PLCXD1: variants seen among roughly 807,000 people sequenced by gnomAD.
The protein encoded by PLCXD1 is phosphatidylinositol specific phospholipase C X domain containing 1, also known as PI-PLC X domain-containing protein 1.
A neutral mutation model predicts 37.8 loss-of-function variants in PLCXD1; 45 were observed. That is an observed-to-expected ratio of 1.19 (90% CI 0.94 to 1.53). The LOEUF (loss-of-function observed/expected upper bound fraction) is 1.53, where lower values mean the gene tolerates loss of function less well. Ranked by LOEUF, PLCXD1 falls within the 40% of genes most tolerant of loss-of-function variation. The pLI, the probability that PLCXD1 is intolerant of heterozygous loss-of-function variation, is 0.00. For missense variants in PLCXD1, 539 were observed against 454.7 expected (o/e 1.19, Z -1.69); for synonymous variants, 246 against 206.9 (o/e 1.19, Z -1.62).
chrX:296,304 T>C (rs957283048), intron 6 of PLCXD1, among the ~76,000 whole-genome samples: 16 of 152,150 alleles, frequency 1.1e-4, no homozygotes, highest in Admixed American at 2.6e-4. Context: ...GATGTGTTTT[T>C]ACTAGAGAAA....
At position 300,386 on chromosome X, in the gene PLCXD1, G is replaced by A. The variant is rs1449607054; in HGVS notation, c.*1051G>A. The A allele has an allele frequency of 6.6e-6, 1 of 151,754 alleles. No individual in the cohort carries two copies. Among genetic ancestry groups the A allele is most frequent in the Non-Finnish European group, 1.5e-5 (1 of 67,972 alleles). 9.4% of individuals were successfully genotyped at this position (151,754 alleles called of 1,614,324 possible). On this transcript the variant is annotated 3_prime_UTR_variant, in exon 7 of 7. Transcript: ENST00000381657. ...TAGATATATATGTGTGTGTATATAT[G>A]TGTGTTTATGTGTCTGTGTGTATAT... is the stretch of plus-strand genomic sequence containing the variant.
intron 3 of PLCXD1, among the ~76,000 whole-genome samples, chrX:290,430 A>C (rs1270780926): frequency 9.6e-5 from 1 of 10,400 alleles, no homozygotes; most frequent in Non-Finnish European, 2.3e-4. Context: ...ACTCCGTCTC[A>C]AAAAAAAAAA....
rs1174190778 is a variant in PLCXD1 at position 301,976 on chromosome X, C to T, written c.*2641C>T. On this transcript the variant is annotated 3_prime_UTR_variant, in exon 7 of 7. Transcript: ENST00000381657. ...AATCATTCCTGGCTGGGTCCCAGCC[C>T]AGTAGAGCCAGCCCCCCAGCCCGGA... The T allele has an allele frequency of 6.6e-6, 1 of 152,342 alleles. No homozygotes were observed. Among genetic ancestry groups the T allele is most frequent in the Non-Finnish European group, 1.5e-5 (1 of 68,178 alleles). The allele number at this position is 152,342 out of a possible 1,614,324, so 9.4% of individuals were successfully genotyped here.
At chrX:280,146 C>A (rs2069231944), upstream of PLCXD1, among the ~76,000 whole-genome samples, 1 of 152,172 alleles carries the variant, frequency 6.6e-6, no homozygotes, top group Admixed American at 6.5e-5. Flanking sequence ...CGTGAGCCAG[C>A]GGGCCCCGCC....
chrX:287,540 T>G (rs2069492227), intron 2 of PLCXD1, among the ~76,000 whole-genome samples: 1 of 104,226 alleles, frequency 9.6e-6, no homozygotes, highest in Non-Finnish European at 1.7e-5. Flanking sequence ...CTATATATGT[T>G]TATATATAGA....
chrX:283,922 C>T (rs1417763080), intron 1 of PLCXD1: 6 of 364,132 alleles, frequency 1.6e-5, no homozygotes, highest in African/African-American at 4.2e-5. Context: ...ACTCTTGTTG[C>T]CCAGCCTGGA....
At chrX:284,128 TCAC>T in intron 1 of PLCXD1, 36 bp from the exon 2 acceptor site, 1 of 1,569,936 alleles carries the variant, frequency 6.4e-7, no homozygotes, top group Non-Finnish European at 8.8e-7. Context: ...TGACCTGAAG[TCAC>T]CGTAAAAAAC....
intron 5 of PLCXD1, among the ~76,000 whole-genome samples, chrX:292,746 G>A (rs774449978): frequency 3.8e-4 from 57 of 151,978 alleles, no homozygotes; most frequent in African/African-American, 1.3e-3. Context: ...CTGACTAGCC[G>A]GGATGACAGG....
At chrX:278,320 G>A (rs763903127), upstream of PLCXD1, among the ~76,000 whole-genome samples, 25 of 152,218 alleles carry the variant, frequency 1.6e-4, no homozygotes, top group South Asian at 5.2e-3. Context: ...GGAATGGATG[G>A]AATCCGTCAT....
At chrX:288,563 G>A (rs1330851397) in intron 2 of PLCXD1, among the ~76,000 whole-genome samples, 170 bp from the exon 3 acceptor site, 3 of 152,186 alleles carry the variant, frequency 2.0e-5, no homozygotes, top group East Asian at 3.8e-4. Context: ...CGTGTTCCCA[G>A]GTTCCAGTGG....
intron 6 of PLCXD1, among the ~76,000 whole-genome samples, chrX:296,390 T>C (rs971587673): frequency 1.3e-5 from 2 of 152,184 alleles, no homozygotes; most frequent in African/African-American, 4.8e-5. Flanking sequence ...CTCAACGTGC[T>C]GGGATGACAG....
At chrX:287,352 A>G (rs1193255324) in intron 2 of PLCXD1, among the ~76,000 whole-genome samples, 1 of 144,534 alleles carries the variant, frequency 6.9e-6, no homozygotes, top group Non-Finnish European at 1.5e-5. Flanking sequence ...GTGGATATAT[A>G]TTTTATATAT....
chrX:277,785 C>T (rs865813802), upstream of PLCXD1, among the ~76,000 whole-genome samples: 12 of 7,814 alleles, frequency 1.5e-3, 1 homozygote, highest in African/African-American at 3.1e-3. Flanking sequence ...GGGGAGGGGT[C>T]AGGGCACGTG....
At chrX:284,584 GCACACA>G (rs2069384573) in intron 2 of PLCXD1, among the ~76,000 whole-genome samples, 1 of 320 alleles carries the variant, frequency 3.1e-3, no homozygotes, top group Non-Finnish European at 6.3e-3. Flanking sequence ...AGGCATACAT[GCACACA>G]CGCACACACG....
At chrX:291,270 C>T (rs1172490748) in intron 4 of PLCXD1, among the ~76,000 whole-genome samples, 1 of 151,966 alleles carries the variant, frequency 6.6e-6, no homozygotes, top group African/African-American at 2.4e-5. Flanking sequence ...CTCAGCCTTC[C>T]AAGTAGCTGG....
chrX:282,475 C>T (rs2124304436), intron 1 of PLCXD1, among the ~76,000 whole-genome samples: 1 of 151,972 alleles, frequency 6.6e-6, no homozygotes, highest in South Asian at 2.1e-4. Flanking sequence ...GAGGCCGAGG[C>T]AGGCAGATCA....
upstream of PLCXD1, among the ~76,000 whole-genome samples, chrX:276,782 G>A (rs759908241): frequency 6.6e-6 from 1 of 152,222 alleles, no homozygotes; most frequent in African/African-American, 2.4e-5. Context: ...GGACAGCTGG[G>A]ACGGTGGGGA....
rs2069280281 is a variant in PLCXD1, at chrX:281,644, A to G, written c.-62A>G. On this transcript the variant is annotated 5_prime_UTR_variant, in exon 1 of 7. Coordinates refer to ENST00000381657, the MANE Select transcript of PLCXD1 (RefSeq NM_018390.4). Reference sequence around the variant, plus strand: ...GCCTTTCATTCTGGGCTCGAGACCAACAATTCGAATTCCGAACTCCCCCTG... The same window carrying G: ...GCCTTTCATTCTGGGCTCGAGACCAGCAATTCGAATTCCGAACTCCCCCTG... The G allele has an allele frequency of 6.6e-6, 1 of 152,134 alleles. No individual in the cohort carries two copies. Among genetic ancestry groups the G allele is most frequent in the Non-Finnish European group, 1.5e-5 (1 of 68,036 alleles). The allele number at this position is 152,134 out of a possible 1,614,324, so 9.4% of individuals were successfully genotyped here. A position where few individuals can be genotyped will look rare whatever the true frequency, so the allele number is the denominator to read the frequency against.
chrX:282,953 A>T (rs1449170093), intron 1 of PLCXD1, among the ~76,000 whole-genome samples: 1 of 145,538 alleles, frequency 6.9e-6, no homozygotes, highest in African/African-American at 2.5e-5. Context: ...TATTATATAT[A>T]TATTATATAT....
Sources: allele counts gnomAD v4.1 joint callset (sites outside exome capture counted in the v4.1 genomes callset), GRCh38; gene constraint gnomAD v4.1.1; transcripts MANE v1.5; gene names NCBI Gene and HGNC (gene_info 2026-07-23, HGNC 2026-07-21).